Variants in DOCK4 observed in about 807,000 individuals in gnomAD.
DOCK4 encodes the protein dedicator of cytokinesis 4.
Under a neutral mutation model 268.1 loss-of-function variants are expected in DOCK4, and 97 were observed. The ratio of observed to expected loss-of-function variants is 0.36; its 90% confidence interval spans 0.31 to 0.43. The LOEUF is 0.43. DOCK4 is among the 20% of genes least tolerant of loss of function. The probability of loss-of-function intolerance (pLI) is 1.00; values close to 1 mark genes in which losing one functional copy is unlikely to be tolerated. For missense variants in DOCK4, 2,145 were observed against 2,455.7 expected, an observed-to-expected ratio of 0.87 and a Z score of 2.67; for synonymous variants, 954 against 887.2, an observed-to-expected ratio of 1.08 and a Z score of -1.34.
intron 35 of DOCK4, among the ~76,000 whole-genome samples, chr7:111,781,280 C>G (rs544331929): frequency 6.6e-6 from 1 of 152,264 alleles, no homozygotes; most frequent in Non-Finnish European, 1.5e-5. Context: ...ACAGAGAAGA[C>G]CTAAAGCTTA....
At position 111,909,883 on chromosome 7, in the gene DOCK4, G is replaced by GC. The variant is rs1362938371; in HGVS notation, c.1192+5895dup. Among the ~76,000 whole-genome samples the GC allele has an allele frequency of 2.6e-5, 4 of 151,802 alleles. No individual in the cohort carries two copies. The South Asian group carries it at 6.2e-4, about 24-fold the overall frequency. On this transcript the variant is annotated intron_variant, in intron 13 of 52. Transcript: ENST00000428084. The stretch of plus-strand genomic sequence containing the variant: ...AGGCTAAGGCAGGAGAATCACTTGA[G>GC]CCCAGAAGGCTGAGACTGTAGTGAG...
intron 7 of DOCK4, among the ~76,000 whole-genome samples, chr7:111,979,499 T>A (rs1798447601): frequency 6.7e-6 from 1 of 149,908 alleles, no homozygotes; most frequent in African/African-American, 2.5e-5. Flanking sequence ...TTTTTTACTG[T>A]GGCAAAAGTG....
intron 27 of DOCK4, 114 bp from the exon 28 acceptor site, chr7:111,812,063 G>A: frequency 1.8e-6 from 1 of 552,794 alleles, no homozygotes; most frequent in Non-Finnish European, 3.2e-6. Flanking sequence ...AGCATCTGGA[G>A]CAATATTAAA....
intron 13 of DOCK4, among the ~76,000 whole-genome samples, chr7:111,904,059 G>A (rs1226602201): frequency 6.6e-6 from 1 of 152,202 alleles, no homozygotes; most frequent in African/African-American, 2.4e-5. Flanking sequence ...GTTATCTGCT[G>A]GAAGGACGTG....
intron 26 of DOCK4, among the ~76,000 whole-genome samples, chr7:111,833,668 G>T (rs1022024426): frequency 6.6e-6 from 1 of 152,098 alleles, no homozygotes; most frequent in African/African-American, 2.4e-5. Flanking sequence ...AGCTTTTCAA[G>T]TTCTCTAAGG....
intron 12 of DOCK4, among the ~76,000 whole-genome samples, chr7:111,918,836 T>G (rs1792849493): frequency 6.6e-6 from 1 of 152,214 alleles, no homozygotes; most frequent in East Asian, 1.9e-4. Context: ...TGCTTTCCAG[T>G]ACAGAATAAG....
chr7:112,133,237 T>C (rs137939877), intron 1 of DOCK4, among the ~76,000 whole-genome samples: 2 of 152,122 alleles, frequency 1.3e-5, no homozygotes, highest in East Asian at 3.9e-4. Context: ...TGCAGAAACA[T>C]TTTGCAGGGA....
intron 20 of DOCK4, among the ~76,000 whole-genome samples, chr7:111,871,768 C>T (rs890060821): frequency 6.6e-5 from 10 of 152,132 alleles, no homozygotes; most frequent in African/African-American, 2.2e-4. Context: ...TATTTTAGGG[C>T]TCAGGAATAG....
intron 27 of DOCK4, among the ~76,000 whole-genome samples, chr7:111,813,101 C>G (rs1401584540): frequency 6.6e-6 from 1 of 152,056 alleles, no homozygotes; most frequent in Non-Finnish European, 1.5e-5. Context: ...ATTAGCCACC[C>G]CTTGAGCTAC....
intron 1 of DOCK4, among the ~76,000 whole-genome samples, chr7:112,122,460 G>A (rs1469132669): frequency 1.3e-5 from 2 of 151,938 alleles, no homozygotes; most frequent in African/African-American, 4.8e-5. Flanking sequence ...TAATACAGAT[G>A]GGGTCTTCTT....
intron 32 of DOCK4, among the ~76,000 whole-genome samples, chr7:111,785,837 G>T (rs966869047): frequency 6.6e-6 from 1 of 152,146 alleles, no homozygotes; most frequent in African/African-American, 2.4e-5. Flanking sequence ...AATTGATAAG[G>T]CTGCTCTGTT....
intron 1 of DOCK4, among the ~76,000 whole-genome samples, chr7:112,181,056 ATGT>A (rs747877604): frequency 3.3e-5 from 5 of 152,166 alleles, no homozygotes; most frequent in Admixed American, 1.3e-4. Context: ...ATAACTTCAA[ATGT>A]TGTTAATTTT....
rs375519829 is a variant in DOCK4 at position 111,813,474 on chromosome 7, G to A, written c.2931-1525C>T. Among the ~76,000 whole-genome samples, 16 of 152,244 alleles carry A rather than the reference G, an allele frequency of 1.1e-4. 1 individual carries two copies. In the East Asian group the frequency reaches 3.1e-3, roughly 29 times the overall value. On this transcript the variant is annotated intron_variant, in intron 27 of 52. Coordinates refer to ENST00000428084, the MANE Select transcript of DOCK4 (RefSeq NM_001363540.2). ...AATTAACAAGGGTAAGTTGATGGTT[G>A]AATGTGGAAGTTCAAGGTAATGAAA...
chr7:111,840,130 T>C (rs1803563837), intron 25 of DOCK4, among the ~76,000 whole-genome samples: 1 of 152,216 alleles, frequency 6.6e-6, no homozygotes, highest in African/African-American at 2.4e-5. Flanking sequence ...TTGAGTATAA[T>C]GGGAATTTCT....
intron 12 of DOCK4, among the ~76,000 whole-genome samples, chr7:111,929,028 G>A (rs1195988626): frequency 6.6e-6 from 1 of 152,188 alleles, no homozygotes; most frequent in Admixed American, 6.5e-5. Context: ...ATGTTCTGAA[G>A]TAAGCAGGGG....
chr7:111,865,056 A>T (rs528475385), intron 22 of DOCK4, among the ~76,000 whole-genome samples: 60 of 152,336 alleles, frequency 3.9e-4, no homozygotes, highest in African/African-American at 1.4e-3. Flanking sequence ...TGCAAGTGAA[A>T]ATAAAAGTAC....
intron 30 of DOCK4, among the ~76,000 whole-genome samples, chr7:111,796,254 A>G (rs1173026898): frequency 6.6e-6 from 1 of 152,188 alleles, no homozygotes. Flanking sequence ...CCAGACATAC[A>G]GCTCCAAACA....
intron 47 of DOCK4, 145 bp downstream of exon 47, chr7:111,740,948 TA>T (rs1795878437): frequency 1.1e-6 from 1 of 930,316 alleles, no homozygotes; most frequent in Non-Finnish European, 1.6e-6. Flanking sequence ...TAGAGACCCA[TA>T]AAGCAAGAAG....
At chr7:112,128,733 C>T (rs901453394) in intron 1 of DOCK4, among the ~76,000 whole-genome samples, 6 of 151,896 alleles carry the variant, frequency 4.0e-5, no homozygotes, top group Non-Finnish European at 7.4e-5. Flanking sequence ...CGTTAAGAGT[C>T]ATCACCACTC....
Sources: allele counts gnomAD v4.1 joint callset (sites outside exome capture counted in the v4.1 genomes callset), GRCh38; gene constraint gnomAD v4.1.1; transcripts MANE v1.5; gene names NCBI Gene and HGNC (gene_info 2026-07-23, HGNC 2026-07-21).